Variants in PAGE5 observed in about 807,000 individuals in gnomAD.
PAGE5 encodes the protein P antigen family member 5.
PAGE5 carries 8 observed loss-of-function variants against 8.1 expected under a neutral mutation model. That is an observed-to-expected ratio of 0.98 (90% CI 0.58 to 1.77). PAGE5 has a LOEUF of 1.77. PAGE5 is among the 40% of genes most tolerant of loss of function. PAGE5 has a pLI of 0.00. For synonymous variants in PAGE5, 30 were observed against 27.0 expected (o/e 1.11, Z -0.35); for missense variants, 64 against 77.6 (o/e 0.82, Z 0.66).
chrX:55,223,037 G>A (rs1460423850), intron 4 of PAGE5, among the ~76,000 whole-genome samples: 1 of 111,310 alleles, frequency 9.0e-6, no homozygotes, highest in Non-Finnish European at 1.9e-5. Flanking sequence ...ATTGAGTTAC[G>A]ATATGAAAGA....
At chrX:55,223,903 T>C in intron 4 of PAGE5, 84 bp from the exon 5 acceptor site, 1 of 771,840 alleles carries the variant, frequency 1.3e-6, no homozygotes, top group Non-Finnish European at 1.8e-6. Flanking sequence ...TTTTAGTTAA[T>C]CAACACTGTA....
chrX:55,223,195 A>AT (rs1343938239), intron 4 of PAGE5, among the ~76,000 whole-genome samples: 2 of 112,639 alleles, frequency 1.8e-5, no homozygotes, highest in East Asian at 5.5e-4. Context: ...TTCATGTGTC[A>AT]TTTTTAAAAG....
Position 55,222,728 on chromosome X carries a change from A to G in PAGE5, c.298A>G (p.Thr100Ala). Residue 100 changes from threonine to alanine, a missense_variant, in exon 4 of 5, where the codon ACT becomes GCT. Coordinates refer to ENST00000374955, the MANE Select transcript of PAGE5 (RefSeq NM_001013435.3). ...REGTLPTFDPTKVLEAGEGQL is the reference protein window; with the variant it reads ...REGTLPTFDPAKVLEAGEGQL ...GGGGACTCTGCCCACTTTTGATCCCACTAAAGTGCTGGAAGCAGGTATGTT... is the reference window on the plus strand; with the variant it reads ...GGGGACTCTGCCCACTTTTGATCCCGCTAAAGTGCTGGAAGCAGGTATGTT... The G allele has an allele frequency of 8.3e-7, 1 of 1,209,748 alleles. No individual in the cohort carries two copies. Among genetic ancestry groups the G allele is most frequent in the Middle Eastern group, 2.3e-4 (1 of 4,344 alleles).
chrX:55,222,680 G>A lies in PAGE5; in HGVS notation c.250G>A (p.Gly84Arg). The A allele has an allele frequency of 2.5e-6, 3 of 1,209,017 alleles. No homozygotes were observed. Among genetic ancestry groups the A allele is most frequent in the Non-Finnish European group, 3.4e-6 (3 of 892,799 alleles). The change falls in exon 4 of 5, where the codon GGA becomes AGA. Residue 84 changes from glycine to arginine, a missense_variant. Coordinates refer to ENST00000374955, the MANE Select transcript of PAGE5 (RefSeq NM_001013435.3). ...TCTGCTTAAGATAGAGGATGCACCTGGAGATGGTCCTGATGTCAGGGAGGG... is the reference window on the plus strand; with the variant it reads ...TCTGCTTAAGATAGAGGATGCACCTAGAGATGGTCCTGATGTCAGGGAGGG... Reference protein sequence around the residue: ...LALLKIEDAPGDGPDVREGTL... With the variant: ...LALLKIEDAPRDGPDVREGTL...
At position 55,220,350 on chromosome X, in the gene PAGE5, T is replaced by A; in HGVS notation, c.-111T>A. 1 of 381,333 alleles carries A rather than the reference T, an allele frequency of 2.6e-6. No individual in the cohort carries two copies. Among genetic ancestry groups the A allele is most frequent in the East Asian group, 4.7e-5 (1 of 21,415 alleles). The allele number at this position is 381,333 out of a possible 1,213,427, so 31.4% of individuals were successfully genotyped here. On this transcript the variant is annotated 5_prime_UTR_variant, in exon 1 of 5. Coordinates refer to ENST00000374955, the MANE Select transcript of PAGE5 (RefSeq NM_001013435.3). ...CGCATGCGCCTTTCTGCCCACCTTC[T>A]GTCTAGGCAGAGCTCTGCAAGGAGA... is the stretch of plus-strand genomic sequence containing the variant.
At chrX:55,221,576 T>G (rs1350801476) in intron 2 of PAGE5, 113 bp downstream of exon 2, 2 of 969,422 alleles carry the variant, frequency 2.1e-6, no homozygotes, top group Non-Finnish European at 1.4e-6. Flanking sequence ...AAAATGATGA[T>G]GGCATCTCAT....
chrX:55,220,550 T>A lies in PAGE5; in HGVS notation c.-9+98T>A. On this transcript the variant is annotated intron_variant, in intron 1 of 4. Coordinates refer to ENST00000374955, the MANE Select transcript of PAGE5 (RefSeq NM_001013435.3). ...CAGGTCCCGTGGCACAGTCCGTGGC[T>A]TTGAGGGAAAAGGGCCTCGCGGTGG... 4.3e-6 allele frequency: 5 copies of A among 1,150,369 alleles called. No homozygotes were observed. In the South Asian group the frequency reaches 9.5e-5, roughly 22 times the overall value. 94.8% of individuals were successfully genotyped at this position (1,150,369 alleles called of 1,213,427 possible). A position where few individuals can be genotyped will look rare whatever the true frequency, so the allele number is the denominator to read the frequency against.
intron 3 of PAGE5, among the ~76,000 whole-genome samples, chrX:55,222,146 T>C (rs1187354460): frequency 1.8e-5 from 2 of 112,363 alleles, no homozygotes; most frequent in South Asian, 3.7e-4. Flanking sequence ...TTTGTTCAGC[T>C]ATTTTCTGTT....
chrX:55,222,070 T>C (rs1349276772), intron 3 of PAGE5, among the ~76,000 whole-genome samples, 195 bp downstream of exon 3: 1 of 111,810 alleles, frequency 8.9e-6, no homozygotes, highest in African/African-American at 3.3e-5. Context: ...GACGGAGGCT[T>C]TTTATTGATT....
At chrX:55,221,665 A>G in intron 2 of PAGE5, 102 bp from the exon 3 acceptor site, 2 of 936,563 alleles carry the variant, frequency 2.1e-6, no homozygotes, top group South Asian at 2.3e-5. Context: ...CTCTATATAT[A>G]TATCTATTGG....
chrX:55,223,900 T>A (rs1937925712), intron 4 of PAGE5, 87 bp from the exon 5 acceptor site: 1 of 746,428 alleles, frequency 1.3e-6, no homozygotes, highest in Non-Finnish European at 1.9e-6. Context: ...TGATTTTAGT[T>A]AATCAACACT....
chrX:55,220,719 G>A, intron 1 of PAGE5: 1 of 1,070,612 alleles, frequency 9.3e-7, no homozygotes, highest in Non-Finnish European at 1.3e-6. Flanking sequence ...TGTTAGAGGT[G>A]TCTGAGTCCC....
chrX:55,223,885 G>T, intron 4 of PAGE5, 102 bp from the exon 5 acceptor site: 1 of 607,482 alleles, frequency 1.6e-6, no homozygotes, highest in Non-Finnish European at 2.4e-6. Context: ...ACACCCTCAG[G>T]GTTCTGATTT....
In PAGE5 at chrX:55,220,387, C is replaced by G; in HGVS notation, c.-74C>G. The G allele has an allele frequency of 2.3e-6, 1 of 426,636 alleles. No individual in the cohort carries two copies. Among genetic ancestry groups the G allele is most frequent in the Non-Finnish European group, 4.2e-6 (1 of 238,594 alleles). The allele number at this position is 426,636 out of a possible 1,213,427, so 35.2% of individuals were successfully genotyped here. A position where few individuals can be genotyped will look rare whatever the true frequency, so the allele number is the denominator to read the frequency against. The stretch of plus-strand genomic sequence containing the variant: ...GCTCTGCAAGGAGAGGTTGTGTCTT[C>G]GTTCTTTCCGCCATCTTCGTTCTTT... On this transcript the variant is annotated 5_prime_UTR_variant, in exon 1 of 5. Transcript: ENST00000374955.
At chrX:55,223,727 A>G (rs1337684150) in intron 4 of PAGE5, among the ~76,000 whole-genome samples, 1 of 112,123 alleles carries the variant, frequency 8.9e-6, no homozygotes, top group Non-Finnish European at 1.9e-5. Flanking sequence ...CATATAAAAT[A>G]GATTCACTTG....
At position 55,221,572 on chromosome X, in the gene PAGE5, A is replaced by G; in HGVS notation, c.81+109A>G. 23 of 980,733 alleles carry G rather than the reference A, an allele frequency of 2.3e-5. No individual in the cohort carries two copies. In the South Asian group the frequency reaches 4.6e-4, roughly 19 times the overall value. The allele number at this position is 980,733 out of a possible 1,213,427, so 80.8% of individuals were successfully genotyped here. ...AGGTGTTCCATGCTAATAAAAAATG[A>G]TGATGGCATCTCATGAAGGCAACTT... On this transcript the variant is annotated intron_variant, in intron 2 of 4. Coordinates refer to ENST00000374955, the MANE Select transcript of PAGE5 (RefSeq NM_001013435.3).
Position 55,220,454 on chromosome X carries a change from T to A in PAGE5, c.-9+2T>A, listed in dbSNP as rs1200046739. On this transcript the variant is annotated splice_donor_variant, in intron 1 of 4. Transcript: ENST00000374955. LOFTEE classifies it low-confidence loss of function (5UTR_SPLICE). Reference sequence around the variant, plus strand: ...TTCTCACTGACCGAGACTCAGCCGGTAGGTCTGCAGAGTGGTCTTCCTGGT... The same window carrying A: ...TTCTCACTGACCGAGACTCAGCCGGAAGGTCTGCAGAGTGGTCTTCCTGGT... 3.9e-5 allele frequency: 21 copies of A among 532,356 alleles called. No individual in the cohort carries two copies. In the Admixed American group the frequency reaches 5.5e-4, roughly 14 times the overall value. 43.9% of individuals were successfully genotyped at this position (532,356 alleles called of 1,213,427 possible). A position where few individuals can be genotyped will look rare whatever the true frequency, so the allele number is the denominator to read the frequency against.
chrX:55,221,453 G>T lies in PAGE5; in HGVS notation c.71G>T (p.Gly24Val). The T allele has an allele frequency of 8.3e-7, 1 of 1,205,945 alleles. No individual in the cohort carries two copies. ...GNDQESSQPV[G>V]PVIVQQPTEE... ...GACCAAGAGTCTTCCCAGCCAGTTG[G>T]ACCTGTGATTGTGAGTCCTTTAGCA... Residue 24 changes from glycine (G) to valine (V), a missense_variant, in exon 2 of 5, where the codon GGA (glycine) becomes GTA (valine). Coordinates refer to ENST00000374955, the MANE Select transcript of PAGE5 (RefSeq NM_001013435.3).
chrX:55,220,568 C>T (rs775755023), intron 1 of PAGE5, 116 bp downstream of exon 1: 23 of 1,175,566 alleles, frequency 2.0e-5, no homozygotes, highest in Non-Finnish European at 2.5e-5. Context: ...AAAAGGGCCT[C>T]GCGGTGGTCC....
Sources: allele counts gnomAD v4.1 joint callset (sites outside exome capture counted in the v4.1 genomes callset), GRCh38; gene constraint gnomAD v4.1.1; transcripts MANE v1.5; gene names NCBI Gene and HGNC (gene_info 2026-07-23, HGNC 2026-07-21).